The following RMND1 variants were observed in gnomAD, a reference collection of about 807,000 sequenced individuals.
RMND1 encodes the protein required for meiotic nuclear division protein 1 homolog.
A neutral mutation model predicts 54.0 loss-of-function variants in RMND1; 41 were observed. That is an observed-to-expected ratio of 0.76 (90% confidence interval 0.59 to 0.98). RMND1 has a LOEUF of 0.98. Ranked by LOEUF, RMND1 falls within the 50% of genes least tolerant of loss-of-function variation. The pLI, the probability that RMND1 is intolerant of heterozygous loss-of-function variation, is 0.00. For missense variants in RMND1, 457 were observed against 532.0 expected (o/e 0.86, Z 1.39); for synonymous variants, 183 against 181.7 (o/e 1.01, Z -0.06).
At chr6:151,416,248 G>A (rs747867620) in intron 10 of RMND1, among the ~76,000 whole-genome samples, 5 of 152,054 alleles carry the variant, frequency 3.3e-5, no homozygotes, top group Non-Finnish European at 7.4e-5. Flanking sequence ...ACAAAGTGCT[G>A]GGGTTACAGG....
At chr6:151,450,583 G>GTCAGCCCCCCGCCAGGCCAGCCGCCCC in intron 1 of RMND1, among the ~76,000 whole-genome samples, 3 of 145,182 alleles carry the variant, frequency 2.1e-5, no homozygotes, top group African/African-American at 5.1e-5. Context: ...GAGGTGGGGG[G>GTCAGCCCCCCGCCAGGCCAGCCGCCCC]GTCAGCCCCC....
chr6:151,410,324 G>A (rs926440980), intron 10 of RMND1, among the ~76,000 whole-genome samples: 2 of 152,036 alleles, frequency 1.3e-5, no homozygotes, highest in African/African-American at 4.8e-5. Context: ...CAAAATGCTG[G>A]GATTACAGGC....
intron 2 of RMND1, among the ~76,000 whole-genome samples, chr6:151,439,295 G>C (rs190301663): frequency 6.6e-6 from 1 of 152,184 alleles, no homozygotes; most frequent in Non-Finnish European, 1.5e-5. Flanking sequence ...ACATCAAAAA[G>C]CTTTGAATTT....
In RMND1 at chr6:151,441,446, C is replaced by T. The variant is rs542617625; in HGVS notation, c.504+3862G>A. 4.6e-5 allele frequency among the ~76,000 whole-genome samples: 7 copies of T among 152,214 alleles called. No individual in the cohort carries two copies. In the South Asian group the frequency reaches 1.5e-3, roughly 32 times the overall value. On this transcript the variant is annotated intron_variant, in intron 2 of 11. Transcript: ENST00000444024. The stretch of plus-strand genomic sequence containing the variant: ...CTTGGAATTTCACGAGTGATGGGAA[C>T]ATCTTTTGTTTTAATGAGGTGACTC...
chr6:151,427,062 C>T (rs958227486), intron 6 of RMND1, among the ~76,000 whole-genome samples: 1 of 151,918 alleles, frequency 6.6e-6, no homozygotes, highest in East Asian at 2.0e-4. Context: ...TGAGCTACCA[C>T]GCCTGGCCAC....
At chr6:151,411,392 C>T (rs1190174278) in intron 10 of RMND1, 1 of 152,430 alleles carries the variant, frequency 6.6e-6, no homozygotes, top group African/African-American at 2.4e-5. Flanking sequence ...TTTGATTCTT[C>T]CAGCTGCTCA....
At chr6:151,408,808 T>G (rs867006100) in intron 10 of RMND1, 18 of 152,284 alleles carry the variant, frequency 1.2e-4, no homozygotes, top group African/African-American at 4.1e-4. Context: ...ATGGGTGGCC[T>G]CCAGTCACTG....
At chr6:151,406,054 G>GT (rs1163897269) in intron 10 of RMND1, among the ~76,000 whole-genome samples, 2 of 152,180 alleles carry the variant, frequency 1.3e-5, no homozygotes, top group Admixed American at 1.3e-4. Context: ...TCTTCTATTT[G>GT]TAAGATTTTG....
chr6:151,451,709 T>C (rs767777933), intron 1 of RMND1, among the ~76,000 whole-genome samples: 12 of 152,208 alleles, frequency 7.9e-5, no homozygotes, highest in Non-Finnish European at 1.6e-4. Context: ...AGAAAATCGA[T>C]TACAGCTAGG....
chr6:151,437,872 G>A (rs978979307), intron 2 of RMND1, among the ~76,000 whole-genome samples: 1 of 152,100 alleles, frequency 6.6e-6, no homozygotes, highest in African/African-American at 2.4e-5. Context: ...GAGGATCCAT[G>A]CAAACTGAAA....
intron 2 of RMND1, among the ~76,000 whole-genome samples, chr6:151,438,929 C>T (rs781428182): frequency 3.9e-5 from 6 of 151,934 alleles, no homozygotes; most frequent in South Asian, 2.1e-4. Context: ...GCCTGGTCAA[C>T]GTGGTGAAAC....
At chr6:151,424,728 T>C (rs1370427231) in intron 6 of RMND1, among the ~76,000 whole-genome samples, 1 of 151,542 alleles carries the variant, frequency 6.6e-6, no homozygotes, top group East Asian at 1.9e-4. Flanking sequence ...GAAAAATGAG[T>C]ATGTGACTGT....
chr6:151,432,341 A>G (rs1449904335), intron 4 of RMND1, among the ~76,000 whole-genome samples: 1 of 152,218 alleles, frequency 6.6e-6, no homozygotes, highest in Admixed American at 6.5e-5. Context: ...ACTTGAATTA[A>G]ATGTTGGAAT....
chr6:151,433,866 GCT>G (rs1293056158), intron 3 of RMND1, among the ~76,000 whole-genome samples: 1 of 136,060 alleles, frequency 7.3e-6, no homozygotes, highest in Admixed American at 7.5e-5. Context: ...ACAGGGTCTT[GCT>G]CTGTCTCCCA....
chr6:151,432,737 A>C (rs1780482822), intron 4 of RMND1, among the ~76,000 whole-genome samples: 1 of 152,142 alleles, frequency 6.6e-6, no homozygotes, highest in African/African-American at 2.4e-5. Context: ...AGGTAAGCTA[A>C]AACTTTAAAG....
intron 1 of RMND1, among the ~76,000 whole-genome samples, chr6:151,449,910 C>G (rs982534166): frequency 3.3e-5 from 5 of 152,214 alleles, no homozygotes; most frequent in African/African-American, 4.8e-5. Flanking sequence ...CTCGGCCTCC[C>G]GAGGTGCCGG....
At chr6:151,430,844 G>A (rs1031797545) in intron 4 of RMND1, among the ~76,000 whole-genome samples, 1 of 151,876 alleles carries the variant, frequency 6.6e-6, no homozygotes, top group Admixed American at 6.6e-5. Flanking sequence ...TCAGTGCACT[G>A]GAGGAAGGAA....
At chr6:151,415,432 T>C (rs2114926227) in intron 10 of RMND1, among the ~76,000 whole-genome samples, 1 of 152,158 alleles carries the variant, frequency 6.6e-6, no homozygotes, top group East Asian at 1.9e-4. Flanking sequence ...TGCAACGAGA[T>C]ATATTAAAAA....
chr6:151,443,570 A>G (rs1398538346), intron 2 of RMND1, among the ~76,000 whole-genome samples: 3 of 152,164 alleles, frequency 2.0e-5, no homozygotes, highest in Non-Finnish European at 2.9e-5. Context: ...TGGGCCTCCC[A>G]AAGTGTTGGG....
Sources: gnomAD v4.1 joint callset for allele counts (sites outside exome capture counted in the v4.1 genomes callset) on GRCh38, gnomAD v4.1.1 for gene constraint, MANE v1.5 for transcripts, NCBI Gene and HGNC (gene_info 2026-07-23, HGNC 2026-07-21) for gene names.